The following TMEM108 variants were observed in gnomAD, a reference collection of about 807,000 sequenced individuals.
The protein encoded by TMEM108 is transmembrane protein 108, also known as cancer/testis antigen 124.
Under a neutral mutation model 35.1 loss-of-function variants are expected in TMEM108, and 12 were observed. That is an observed-to-expected ratio of 0.34 (90% CI 0.22 to 0.55). The LOEUF (loss-of-function observed/expected upper bound fraction) is 0.55, where lower values mean the gene tolerates loss of function less well. TMEM108 is among the 20% of genes least tolerant of loss of function. The probability of loss-of-function intolerance (pLI) is 0.89; values close to 1 mark genes in which losing one functional copy is unlikely to be tolerated. For synonymous variants in TMEM108, 287 were observed against 308.6 expected, an observed-to-expected ratio of 0.93 and a Z score of 0.73; for missense variants, 680 against 753.3, an observed-to-expected ratio of 0.90 and a Z score of 1.14.
intron 3 of TMEM108, among the ~76,000 whole-genome samples, chr3:133,294,757 C>T (rs889047215): frequency 1.3e-5 from 2 of 152,318 alleles, no homozygotes; most frequent in Middle Eastern, 3.4e-3. Flanking sequence ...TAGGCCAGCA[C>T]ATTCCCTTTA....
intron 2 of TMEM108, among the ~76,000 whole-genome samples, chr3:133,163,911 G>T (rs193205527): frequency 3.3e-4 from 50 of 152,300 alleles, no homozygotes; most frequent in Admixed American, 1.6e-3. Flanking sequence ...TTCCACACTT[G>T]GTTGTTCTCT....
At chr3:133,161,236 C>G (rs1944956995) in intron 2 of TMEM108, among the ~76,000 whole-genome samples, 1 of 152,192 alleles carries the variant, frequency 6.6e-6, no homozygotes, top group Non-Finnish European at 1.5e-5. Flanking sequence ...CATGCAGTTT[C>G]TGCTTCCTGG....
intron 3 of TMEM108, among the ~76,000 whole-genome samples, chr3:133,252,630 G>A (rs1946487436): frequency 6.6e-6 from 1 of 152,134 alleles, no homozygotes; most frequent in Non-Finnish European, 1.5e-5. Context: ...GAGGAAGAGA[G>A]TTTGAGAGTA....
At position 133,381,070 on chromosome 3, in the gene TMEM108, G is replaced by A. The variant is rs1413668786; in HGVS notation, c.1359G>A (p.Gly453=). ...GGAACATCTCCCATGTGGCCGAGGG[G>A]GACAAACCGCAGCACAGAGCCACCA... The part of the protein sequence containing the change: ...TAGNISHVAE[G]DKPQHRATIC... Residue 453 remains glycine (G), a synonymous_variant, in exon 4 of 6, where the codon GGG becomes GGA. Coordinates refer to ENST00000321871, the MANE Select transcript of TMEM108 (RefSeq NM_023943.4). The A allele has an allele frequency of 6.2e-7, 1 of 1,614,068 alleles. No individual in the cohort carries two copies. Among genetic ancestry groups the A allele is most frequent in the Non-Finnish European group, 8.5e-7 (1 of 1,180,032 alleles).
intron 3 of TMEM108, among the ~76,000 whole-genome samples, chr3:133,267,073 T>G: frequency 8.6e-6 from 1 of 115,842 alleles, no homozygotes; most frequent in Admixed American, 1.1e-4. Flanking sequence ...AGAGCAAGAC[T>G]CCACCTCAAA....
chr3:133,152,884 A>G (rs1944822284), intron 2 of TMEM108, among the ~76,000 whole-genome samples: 1 of 152,140 alleles, frequency 6.6e-6, no homozygotes, highest in Admixed American at 6.6e-5. Context: ...TGACAATATC[A>G]TTAAGCTGGT....
intron 3 of TMEM108, among the ~76,000 whole-genome samples, chr3:133,372,803 G>A (rs2107819658): frequency 6.6e-6 from 1 of 152,270 alleles, no homozygotes; most frequent in East Asian, 1.9e-4. Context: ...TTATAGTAGG[G>A]AACATTTTAA....
In TMEM108 at chr3:133,314,207, A is replaced by G. The variant is rs373950607; in HGVS notation, c.41-65545A>G. 3.9e-5 allele frequency among the ~76,000 whole-genome samples: 6 copies of G among 152,180 alleles called. No homozygotes were observed. In the South Asian group the frequency reaches 1.0e-3, roughly 26 times the overall value. On this transcript the variant is annotated intron_variant, in intron 3 of 5. Transcript: ENST00000321871. ...AAAGAAGTGGCTCGGACTTTACTGG[A>G]AAGAGTAATACTTGGAAAAAATATT...
chr3:133,269,206 TA>T (rs1946739254), intron 3 of TMEM108, among the ~76,000 whole-genome samples: 1 of 152,144 alleles, frequency 6.6e-6, no homozygotes, highest in Non-Finnish European at 1.5e-5. Context: ...CTCAGATGAA[TA>T]TGCTGCTAGT....
In TMEM108 at chr3:133,397,108, G is replaced by T. The variant is rs768796971; in HGVS notation, c.*1122G>T. 1 of 152,130 alleles carries T rather than the reference G, an allele frequency of 6.6e-6. No individual in the cohort carries two copies. The highest frequency in any genetic ancestry group is 1.5e-5 in the Non-Finnish European group (1 of 68,036). The allele number at this position is 152,130 out of a possible 1,614,324, so 9.4% of individuals were successfully genotyped here. Reference sequence around the variant, plus strand: ...TGCTCCCCTTGTTCCCGGCCGGCTGGCTGCCTCCCCGTGCTGTGTCCAGCA... The same window carrying T: ...TGCTCCCCTTGTTCCCGGCCGGCTGTCTGCCTCCCCGTGCTGTGTCCAGCA... On this transcript the variant is annotated 3_prime_UTR_variant, in exon 6 of 6. Coordinates refer to ENST00000321871, the MANE Select transcript of TMEM108 (RefSeq NM_023943.4).
intron 2 of TMEM108, among the ~76,000 whole-genome samples, chr3:133,178,628 C>G (rs1467868509): frequency 2.6e-5 from 4 of 152,172 alleles, no homozygotes; most frequent in Non-Finnish European, 5.9e-5. Flanking sequence ...GAAACTGGAT[C>G]CCTTCCTTAC....
chr3:133,205,031 C>G (rs1182291908), intron 2 of TMEM108, among the ~76,000 whole-genome samples: 2 of 152,064 alleles, frequency 1.3e-5, no homozygotes, highest in Non-Finnish European at 2.9e-5. Context: ...CTTCTTGTTG[C>G]ATTGATCCCT....
intron 2 of TMEM108, among the ~76,000 whole-genome samples, chr3:133,051,578 G>C (rs1221163823): frequency 6.6e-6 from 1 of 152,074 alleles, no homozygotes; most frequent in Non-Finnish European, 1.5e-5. Context: ...TATCTAAAAA[G>C]TCATTGCCAT....
intron 2 of TMEM108, among the ~76,000 whole-genome samples, chr3:133,096,918 A>G (rs1944022511): frequency 6.6e-6 from 1 of 152,216 alleles, no homozygotes; most frequent in African/African-American, 2.4e-5. Context: ...AGTTGGCCCC[A>G]AGAGGAAATG....
chr3:133,383,627 T>C (rs1387145243), intron 4 of TMEM108, among the ~76,000 whole-genome samples: 1 of 152,154 alleles, frequency 6.6e-6, no homozygotes, highest in Non-Finnish European at 1.5e-5. Context: ...CAGATCTTAT[T>C]GCAAAGCTGG....
chr3:133,273,647 T>C (rs1430744319), intron 3 of TMEM108, among the ~76,000 whole-genome samples: 1 of 152,178 alleles, frequency 6.6e-6, no homozygotes, highest in Non-Finnish European at 1.5e-5. Context: ...AAGGTGTAAA[T>C]CAGATACTGT....
intron 2 of TMEM108, among the ~76,000 whole-genome samples, chr3:133,158,174 A>G (rs1249658535): frequency 2.6e-5 from 4 of 152,144 alleles, no homozygotes; most frequent in Non-Finnish European, 5.9e-5. Flanking sequence ...TGTATCTTAG[A>G]AACTGGTTAG....
chr3:133,217,537 T>C (rs2107847054), intron 2 of TMEM108, among the ~76,000 whole-genome samples: 1 of 152,182 alleles, frequency 6.6e-6, no homozygotes, highest in Non-Finnish European at 1.5e-5. Context: ...TATGTCTTCT[T>C]CTAGTAGTAG....
intron 3 of TMEM108, among the ~76,000 whole-genome samples, chr3:133,263,232 A>C (rs1946650459): frequency 6.6e-6 from 1 of 152,216 alleles, no homozygotes. Flanking sequence ...AAGGAACTGG[A>C]GTGGCAAGTG....
Sources: gnomAD v4.1 joint callset for allele counts (sites outside exome capture counted in the v4.1 genomes callset) on GRCh38, gnomAD v4.1.1 for gene constraint, MANE v1.5 for transcripts, NCBI Gene and HGNC (gene_info 2026-07-23, HGNC 2026-07-21) for gene names.